Variants in MAPK8IP1 observed in about 807,000 individuals in gnomAD.
MAPK8IP1 encodes C-Jun-amino-terminal kinase-interacting protein 1.
A neutral mutation model predicts 72.6 loss-of-function variants in MAPK8IP1; 17 were observed. The ratio of observed to expected loss-of-function variants is 0.23; its 90% CI spans 0.16 to 0.35. The LOEUF (loss-of-function observed/expected upper bound fraction) is 0.35. MAPK8IP1 is among the 10% of genes least tolerant of loss of function. The pLI is 1.00. For missense variants in MAPK8IP1, 789 were observed against 1,009.7 expected (o/e 0.78, Z 2.96); for synonymous variants, 401 against 443.4 (o/e 0.90, Z 1.20).
chr11:45,895,582 T>A (rs1402466334), intron 1 of MAPK8IP1, among the ~76,000 whole-genome samples: 1 of 148,244 alleles, frequency 6.7e-6, no homozygotes, highest in Non-Finnish European at 1.5e-5. Flanking sequence ...ATCATGTCAT[T>A]GCTCTCCAGC....
Position 45,885,741 on chromosome 11 carries a change from T to C in MAPK8IP1, c.-80T>C. 1 of 805,624 alleles carries C rather than the reference T, an allele frequency of 1.2e-6. No individual in the cohort carries two copies. Among genetic ancestry groups the C allele is most frequent in the East Asian group, 3.5e-5 (1 of 28,528 alleles). The allele number at this position is 805,624 out of a possible 1,614,324, so 49.9% of individuals were successfully genotyped here. A position where few individuals can be genotyped will look rare whatever the true frequency, so the allele number is the denominator to read the frequency against. On this transcript the variant is annotated 5_prime_UTR_variant, in exon 1 of 12. Coordinates refer to ENST00000241014, the MANE Select transcript of MAPK8IP1 (RefSeq NM_005456.4). ...GAACTCCGCGGCGGCGGCTGCCCTC[T>C]CGCCGCGCCTCCGCCTCCTTCGCAG... is the stretch of plus-strand genomic sequence containing the variant.
rs770866431 is a variant in MAPK8IP1, at chr11:45,904,833, A to G, written c.1892A>G (p.Lys631Arg). 1 of 1,613,918 alleles carries G rather than the reference A, an allele frequency of 6.2e-7. No homozygotes were observed. The highest frequency in any genetic ancestry group is 1.3e-5 in the African/African-American group (1 of 74,936). ...AAGGCCGATGACTCCCAGGAGGCCA[A>G]GGTGACTTCTTCCAACCCAGCCCCT... ...GVKADDSQEA[K>R]GNKCSHFFQL... The change falls in exon 9 of 12, where the codon AAG becomes AGG. Residue 631 changes from lysine (K) to arginine (R), a missense_variant and splice_region_variant. Lys to Arg is a conservative substitution (Grantham distance 26). Around this residue, in one of 4 missense-constraint regions of MAPK8IP1, gnomAD observed 188 missense variants for 293.3 expected, o/e 0.64. Coordinates refer to ENST00000241014, the MANE Select transcript of MAPK8IP1 (RefSeq NM_005456.4). This position sits in a 1 kb window ranked among gnomAD's most constrained non-coding sequence, Gnocchi z 6.4.
chr11:45,892,675 G>A (rs368057150), intron 1 of MAPK8IP1, among the ~76,000 whole-genome samples: 158 of 152,238 alleles, frequency 1.0e-3, no homozygotes, highest in African/African-American at 3.7e-3. Flanking sequence ...GAGGTGGGGG[G>A]AATGAAGGGA....
Position 45,897,002 on chromosome 11 carries a change from A to G in MAPK8IP1, c.102-1083A>G, listed in dbSNP as rs2086613147. On this transcript the variant is annotated intron_variant, in intron 1 of 11. Coordinates refer to ENST00000241014, the MANE Select transcript of MAPK8IP1 (RefSeq NM_005456.4). ...TGGAGACCGAGTTGGGGTGAGCTCC[A>G]TCGAGCTCAGGGTCTCTGATCTGAA... is the stretch of plus-strand genomic sequence containing the variant. 1.9e-6 allele frequency: 3 copies of G among 1,541,172 alleles called. No individual in the cohort carries two copies. The South Asian group carries it at 3.6e-5, about 18-fold the overall frequency.
intron 1 of MAPK8IP1, among the ~76,000 whole-genome samples, chr11:45,893,481 A>G (rs1362206347): frequency 2.0e-5 from 3 of 152,214 alleles, no homozygotes; most frequent in African/African-American, 7.2e-5. Flanking sequence ...ATGCAGGAAC[A>G]GGGCCTCAGG....
chr11:45,885,941 G>C lies in MAPK8IP1; in HGVS notation c.101+20G>C. 6.9e-7 allele frequency: 1 copy of C among 1,444,674 alleles called. No individual in the cohort carries two copies. 89.5% of individuals were successfully genotyped at this position (1,444,674 alleles called of 1,614,324 possible). On this transcript the variant is annotated intron_variant, in intron 1 of 11. Coordinates refer to ENST00000241014, the MANE Select transcript of MAPK8IP1 (RefSeq NM_005456.4). ...TTTCAGGTGAGAGTCCCCGGCCGCC[G>C]CGCGCCTCGCCCTTCAGCGGGGACT...
Position 45,900,289 on chromosome 11 carries a change from G to A in MAPK8IP1, c.359G>A (p.Arg120Gln). 7.5e-7 allele frequency: 1 copy of A among 1,330,604 alleles called. No individual in the cohort carries two copies. The allele number at this position is 1,330,604 out of a possible 1,614,324, so 82.4% of individuals were successfully genotyped here. A position where few individuals can be genotyped will look rare whatever the true frequency, so the allele number is the denominator to read the frequency against. ...EEDDDEERAA[R>Q]RPGAGPPKAE... ...GACGACGACGAGGAGCGCGCGGCCC[G>A]GCGGCCGGGAGCGGGGCCGCCCAAG... The change falls in exon 3 of 12, where the codon CGG becomes CAG. Residue 120 changes from arginine (R) to glutamine (Q), a missense_variant. This residue lies in a region of MAPK8IP1 where 112 missense variants were observed against 192.8 expected (regional missense o/e 0.58). Coordinates refer to ENST00000241014, the MANE Select transcript of MAPK8IP1 (RefSeq NM_005456.4). The surrounding 1 kb of genome is among the most constrained non-coding windows in gnomAD (Gnocchi z 6.5).
At chr11:45,897,069 G>T (rs1456212521) in intron 1 of MAPK8IP1, 1 of 1,072,164 alleles carries the variant, frequency 9.3e-7, no homozygotes, top group Non-Finnish European at 1.4e-6. Flanking sequence ...AGGTTCCCCT[G>T]GGGGCTAAGC....
Position 45,900,097 on chromosome 11 carries a change from C to T in MAPK8IP1, c.208-41C>T. ...GGCGGTGCAAGCGGCCTCGGCCCCGCCCCGGCCCCGCCCCCTGACGCCCCT... is the reference window on the plus strand; with the variant it reads ...GGCGGTGCAAGCGGCCTCGGCCCCGTCCCGGCCCCGCCCCCTGACGCCCCT... On this transcript the variant is annotated intron_variant, in intron 2 of 11. Transcript: ENST00000241014. The surrounding 1 kb of genome is among the most constrained non-coding windows in gnomAD (Gnocchi z 6.5). The T allele has an allele frequency of 5.1e-6, 6 of 1,167,662 alleles. No homozygotes were observed. The highest frequency in any genetic ancestry group is 6.4e-6 in the Non-Finnish European group (6 of 942,548). The allele number at this position is 1,167,662 out of a possible 1,614,324, so 72.3% of individuals were successfully genotyped here.
intron 11 of MAPK8IP1, among the ~76,000 whole-genome samples, 193 bp downstream of exon 11, chr11:45,905,442 T>C (rs1340252904): frequency 1.3e-5 from 2 of 152,170 alleles, no homozygotes; most frequent in East Asian, 3.9e-4. Context: ...GCTTCCAAGC[T>C]TGGTAGCTGT....
intron 2 of MAPK8IP1, among the ~76,000 whole-genome samples, chr11:45,899,389 A>C (rs2086632247): frequency 6.6e-6 from 1 of 152,208 alleles, no homozygotes; most frequent in Admixed American, 6.5e-5. Context: ...GGCTTCACAC[A>C]CGTTCCAGTG....
rs61731887 is a variant in MAPK8IP1 at position 45,903,000 on chromosome 11, C to T, written c.1233C>T (p.Thr411=). 1.2e-3 allele frequency: 1,998 copies of T among 1,611,874 alleles called. 14 individuals carry two copies. The African/African-American group carries it at 0.013, about 11-fold the overall frequency. Residue 411 remains threonine, a synonymous_variant, in exon 5 of 12, where the codon ACC becomes ACT. Transcript: ENST00000241014. The surrounding 1 kb of genome is among the most constrained non-coding windows in gnomAD (Gnocchi z 9.3). ...GDYSDESDSA[T]VYDNCASVSS... The stretch of plus-strand genomic sequence containing the variant: ...ACAGTGACGAGAGTGACTCTGCCAC[C>T]GTCTATGACAACTGTGCCTCCGTCT...
rs942387243 is a variant in MAPK8IP1 at position 45,904,085 on chromosome 11, C to T, written c.1590C>T (p.Asn530=). 6.2e-7 allele frequency: 1 copy of T among 1,614,140 alleles called. No homozygotes were observed. The highest frequency in any genetic ancestry group is 1.3e-5 in the African/African-American group (1 of 75,034). Residue 530 remains asparagine (N), a synonymous_variant, in exon 7 of 12, where the codon AAC becomes AAT. Transcript: ENST00000241014. The surrounding 1 kb of genome is among the most constrained non-coding windows in gnomAD (Gnocchi z 6.4). ...AAGACTACTGGTACGAGGCCTACAA[C>T]ATGCGCACTGGTGCCCGGGGTGTCT... is the stretch of plus-strand genomic sequence containing the variant. The part of the protein sequence containing the change: ...QAEDYWYEAY[N]MRTGARGVFP...
chr11:45,889,967 C>T (rs939752395), intron 1 of MAPK8IP1, among the ~76,000 whole-genome samples: 4 of 152,172 alleles, frequency 2.6e-5, no homozygotes, highest in Non-Finnish European at 5.9e-5. Context: ...GACAGACAGA[C>T]GGCTTTACAG....
chr11:45,887,277 G>C (rs1354983765), intron 1 of MAPK8IP1, among the ~76,000 whole-genome samples: 2 of 152,222 alleles, frequency 1.3e-5, no homozygotes, highest in East Asian at 3.8e-4. Context: ...CATCTGTTAA[G>C]TGGGCTAATT....
chr11:45,891,069 C>G (rs2086563093), intron 1 of MAPK8IP1, among the ~76,000 whole-genome samples: 2 of 152,142 alleles, frequency 1.3e-5, no homozygotes, highest in African/African-American at 4.8e-5. Flanking sequence ...GATGTGGAGG[C>G]AGAGAGTGTT....
chr11:45,891,800 C>T (rs1565070454), intron 1 of MAPK8IP1, among the ~76,000 whole-genome samples: 1 of 152,230 alleles, frequency 6.6e-6, no homozygotes, highest in Non-Finnish European at 1.5e-5. Flanking sequence ...CAAAAGACTG[C>T]ATCACATTTC....
chr11:45,900,538 C>A lies in MAPK8IP1; in HGVS notation c.522+86C>A. 1 of 1,452,538 alleles carries A rather than the reference C, an allele frequency of 6.9e-7. No individual in the cohort carries two copies. Among genetic ancestry groups the A allele is most frequent in the Non-Finnish European group, 9.2e-7 (1 of 1,086,302 alleles). 90.0% of individuals were successfully genotyped at this position (1,452,538 alleles called of 1,614,324 possible). A position where few individuals can be genotyped will look rare whatever the true frequency, so the allele number is the denominator to read the frequency against. On this transcript the variant is annotated intron_variant, in intron 3 of 11. Transcript: ENST00000241014. The surrounding 1 kb of genome is among the most constrained non-coding windows in gnomAD (Gnocchi z 6.5). Reference sequence around the variant, plus strand: ...AGAGGGGCTGCAGCGGGAAGGGGCACCCACGGGTCCAGTGCCTGGGGACAG... The same window carrying A: ...AGAGGGGCTGCAGCGGGAAGGGGCAACCACGGGTCCAGTGCCTGGGGACAG...
chr11:45,904,727 A>G lies in MAPK8IP1; in HGVS notation c.1786A>G (p.Thr596Ala). The part of the protein sequence containing the change: ...LCAAMQKIAT[T>A]RRLTVHFNPP... ...CATTTGTCACCTGTAGATTGCCACCACCCGCCGGCTCACCGTGCACTTTAA... is the reference window on the plus strand; with the variant it reads ...CATTTGTCACCTGTAGATTGCCACCGCCCGCCGGCTCACCGTGCACTTTAA... Residue 596 changes from threonine to alanine, a missense_variant, in exon 9 of 12, where the codon ACC (threonine) becomes GCC (alanine). Coordinates refer to ENST00000241014, the MANE Select transcript of MAPK8IP1 (RefSeq NM_005456.4). The surrounding 1 kb of genome is among the most constrained non-coding windows in gnomAD (Gnocchi z 6.4). 1 of 1,613,602 alleles carries G rather than the reference A, an allele frequency of 6.2e-7. No homozygotes were observed. The highest frequency in any genetic ancestry group is 8.5e-7 in the Non-Finnish European group (1 of 1,179,984).
Sources: gnomAD v4.1 joint callset for allele counts (sites outside exome capture counted in the v4.1 genomes callset) on GRCh38, gnomAD v4.1.1 for gene constraint, gnomAD v4.1.1 regional missense constraint, Gnocchi (gnomAD v3.1) non-coding constraint, MANE v1.5 for transcripts, NCBI Gene and HGNC (gene_info 2026-07-23, HGNC 2026-07-21) for gene names.